The following GALNT15 variants were observed in gnomAD, a reference collection of about 807,000 sequenced individuals.
GALNT15 encodes UDP-GalNAc transferase T15.
Under a neutral mutation model 66.8 loss-of-function variants are expected in GALNT15, and 67 were observed. The ratio of observed to expected loss-of-function variants is 1.00; its 90% CI spans 0.82 to 1.23. The LOEUF is 1.23. Among genes scored for constraint, GALNT15 ranks in the 50% most tolerant of loss-of-function variants. The probability of loss-of-function intolerance (pLI) is 0.00; values close to 1 mark genes in which losing one functional copy is unlikely to be tolerated. For synonymous variants in GALNT15, 313 were observed against 311.5 expected, an observed-to-expected ratio of 1.00 and a Z score of -0.05; for missense variants, 827 against 804.3, an observed-to-expected ratio of 1.03 and a Z score of -0.34.
rs761573442 is a variant in GALNT15, at chr3:16,219,944, G to A, written c.1559G>A (p.Cys520Tyr). Residue 520 changes from cysteine to tyrosine, a missense_variant, in exon 8 of 10, where the codon TGC becomes TAC. Transcript: ENST00000339732. This position sits in a 1 kb window ranked among gnomAD's most constrained non-coding sequence, Gnocchi z 4.3. ...ACTGGACTTGGGCTCTGTGCAGACT[G>A]CCAGGCAGAAGGGGACATCCTGGGC... ...HNTGLGLCAD[C>Y]QAEGDILGCP... The A allele has an allele frequency of 1.2e-6, 2 of 1,614,214 alleles. No homozygotes were observed. Among genetic ancestry groups the A allele is most frequent in the East Asian group, 4.5e-5 (2 of 44,882 alleles).
At chr3:16,214,226 C>T (rs2063849188) in intron 6 of GALNT15, among the ~76,000 whole-genome samples, 1 of 152,224 alleles carries the variant, frequency 6.6e-6, no homozygotes, top group Non-Finnish European at 1.5e-5. Context: ...CATCTTTGTT[C>T]TTCTTTAGTC....
At chr3:16,241,171 G>A in the GALNT15 span, among the ~76,000 whole-genome samples, 1 of 152,104 alleles carries the variant, frequency 6.6e-6, no homozygotes, top group Non-Finnish European at 1.5e-5. This position sits in a 1 kb window ranked among gnomAD's most constrained non-coding sequence, Gnocchi z 4.6. Flanking sequence ...TTATCAAAAA[G>A]ATGTTTCCTC....
In GALNT15 at chr3:16,174,939, T is replaced by A. The variant is rs1236416606; in HGVS notation, c.-213T>A. The A allele has an allele frequency of 1.8e-6, 1 of 556,208 alleles. No homozygotes were observed. Among genetic ancestry groups the A allele is most frequent in the African/African-American group, 1.9e-5 (1 of 53,484 alleles). The allele number at this position is 556,208 out of a possible 1,614,324, so 34.5% of individuals were successfully genotyped here. On this transcript the variant is annotated 5_prime_UTR_variant, in exon 1 of 10. It adds an upstream start codon to the 5' untranslated region. Coordinates refer to ENST00000339732, the MANE Select transcript of GALNT15 (RefSeq NM_054110.5). This position sits in a 1 kb window ranked among gnomAD's most constrained non-coding sequence, Gnocchi z 4.7. ...TTAAAGAAATCCACTCAGAGAGGAC[T>A]TGGGGTGAAACTTGGGTCCTGTGGT...
intron 6 of GALNT15, among the ~76,000 whole-genome samples, chr3:16,216,736 G>T (rs2063882897): frequency 6.6e-6 from 1 of 152,158 alleles, no homozygotes; most frequent in African/African-American, 2.4e-5. Context: ...TGCGCAGTGT[G>T]TTTACTGAAA....
At chr3:16,232,214 A>C (rs1421621443), downstream of GALNT15, among the ~76,000 whole-genome samples, 7 of 151,862 alleles carry the variant, frequency 4.6e-5, no homozygotes, top group African/African-American at 7.3e-5. Flanking sequence ...CAATCAGCAC[A>C]TTCCTCAGTA....
At chr3:16,178,386 T>A (rs1384601486) in intron 1 of GALNT15, among the ~76,000 whole-genome samples, 1 of 152,184 alleles carries the variant, frequency 6.6e-6, no homozygotes, top group African/African-American at 2.4e-5. Context: ...ATTTTAGCAC[T>A]GAAGGTCCCA....
rs2063618461 is a variant in GALNT15, at chr3:16,195,100, C to G, written c.540-660C>G. 6.6e-6 allele frequency among the ~76,000 whole-genome samples: 1 copy of G among 152,196 alleles called. No homozygotes were observed. Among genetic ancestry groups the G allele is most frequent in the African/African-American group, 2.4e-5 (1 of 41,440 alleles). ...AGTGTCCCTGACCTTGAATGGATGA[C>G]AGAGATTACTGGACACTTAACTACA... On this transcript the variant is annotated intron_variant, in intron 1 of 9. Transcript: ENST00000339732. The surrounding 1 kb of genome is among the most constrained non-coding windows in gnomAD (Gnocchi z 4.6).
intron 1 of GALNT15, among the ~76,000 whole-genome samples, chr3:16,185,584 A>C (rs998977465): frequency 3.3e-5 from 5 of 152,196 alleles, no homozygotes; most frequent in Non-Finnish European, 5.9e-5. Context: ...GGGGTCAAGT[A>C]AGTTGCCTTT....
chr3:16,225,720 GAAAA>G lies in GALNT15; in HGVS notation c.1774-1630_1774-1627del, dbSNP rs2064003094. Among the ~76,000 whole-genome samples, 1 of 150,916 alleles carries G rather than the reference GAAAA, an allele frequency of 6.6e-6. No homozygotes were observed. Among genetic ancestry groups the G allele is most frequent in the Non-Finnish European group, 1.5e-5 (1 of 67,758 alleles). On this transcript the variant is annotated intron_variant, in intron 9 of 9. Transcript: ENST00000339732. The surrounding 1 kb of genome is among the most constrained non-coding windows in gnomAD (Gnocchi z 4.4). ...AATAAATAAATAAATAAAAGAAAAA[GAAAA>G]AAAGAAGAAAAAGATTTGTGGTACA...
chr3:16,198,995 T>C (rs1248480861), intron 2 of GALNT15, among the ~76,000 whole-genome samples: 1 of 142,686 alleles, frequency 7.0e-6, no homozygotes, highest in Non-Finnish European at 1.6e-5. Context: ...GCACATGTAC[T>C]GAGTGCCTAC....
intron 1 of GALNT15, among the ~76,000 whole-genome samples, chr3:16,185,410 G>C (rs2063507010): frequency 6.6e-6 from 1 of 152,242 alleles, no homozygotes; most frequent in African/African-American, 2.4e-5. Flanking sequence ...AAGCATCAAA[G>C]TGGAGATAAC....
At chr3:16,239,324 G>A in the GALNT15 span, among the ~76,000 whole-genome samples, 2 of 152,274 alleles carry the variant, frequency 1.3e-5, no homozygotes, top group African/African-American at 4.8e-5. The surrounding 1 kb of genome is among the most constrained non-coding windows in gnomAD (Gnocchi z 5.2). Context: ...CAGGAAGTGG[G>A]AAGTTGGCAG....
intron 1 of GALNT15, among the ~76,000 whole-genome samples, chr3:16,177,160 T>A (rs556858673): frequency 4.2e-4 from 64 of 152,326 alleles, no homozygotes; most frequent in African/African-American, 1.3e-3. Flanking sequence ...CAGGACTGAG[T>A]TTGTATTGTA....
chr3:16,232,625 G>A (rs983246471), downstream of GALNT15, among the ~76,000 whole-genome samples: 59 of 149,580 alleles, frequency 3.9e-4, no homozygotes, highest in African/African-American at 1.4e-3. Context: ...AGACAGCTGT[G>A]GGGGTGGAAA....
chr3:16,201,048 G>A (rs993758658), intron 3 of GALNT15, among the ~76,000 whole-genome samples: 3 of 152,292 alleles, frequency 2.0e-5, no homozygotes, highest in South Asian at 2.1e-4. Flanking sequence ...TAAAGAAACC[G>A]AGGCCTGGAG....
downstream of GALNT15, among the ~76,000 whole-genome samples, chr3:16,231,205 C>T (rs943328665): frequency 5.9e-5 from 9 of 152,048 alleles, no homozygotes; most frequent in African/African-American, 2.2e-4. This position sits in a 1 kb window ranked among gnomAD's most constrained non-coding sequence, Gnocchi z 4.1. Context: ...GCATGCAGGG[C>T]TTAAAACCTA....
chr3:16,247,097 A>AGTGTGTGT, the GALNT15 span, among the ~76,000 whole-genome samples: 1,123 of 144,888 alleles, frequency 7.8e-3, 16 homozygotes, highest in African/African-American at 0.021. Context: ...CAAAGACTGT[A>AGTGTGTGT]GTGTGTGTGT....
intron 1 of GALNT15, among the ~76,000 whole-genome samples, chr3:16,185,960 T>C (rs950578331): frequency 3.9e-5 from 6 of 152,158 alleles, no homozygotes; most frequent in African/African-American, 1.4e-4. Flanking sequence ...AAAATAGATA[T>C]TTTTAAAACT....
Sources: gnomAD v4.1 joint callset for allele counts (sites outside exome capture counted in the v4.1 genomes callset) on GRCh38, gnomAD v4.1.1 for gene constraint, Gnocchi (gnomAD v3.1) non-coding constraint, MANE v1.5 for transcripts, NCBI Gene and HGNC (gene_info 2026-07-23, HGNC 2026-07-21) for gene names.